TRIM67: variants seen among roughly 807,000 people sequenced by gnomAD.
TRIM67 encodes the protein tripartite motif containing 67.
A neutral mutation model predicts 71.0 loss-of-function variants in TRIM67; 39 were observed. That is an observed-to-expected ratio of 0.55 (90% confidence interval 0.43 to 0.72). The LOEUF is 0.72. Ranked by LOEUF, TRIM67 falls within the 30% of genes least tolerant of loss-of-function variation. The pLI is 0.00. For synonymous variants in TRIM67, 481 were observed against 473.9 expected (o/e 1.01, Z -0.19); for missense variants, 973 against 1,079.2 (o/e 0.90, Z 1.38).
chr1:231,169,053 A>T (rs1039200688), intron 1 of TRIM67, among the ~76,000 whole-genome samples: 1 of 151,346 alleles, frequency 6.6e-6, no homozygotes, highest in Non-Finnish European at 1.5e-5. Flanking sequence ...AGCCCTAGAT[A>T]TTTTTTTTTA....
intron 5 of TRIM67, 129 bp from the exon 6 acceptor site, chr1:231,203,738 G>T: frequency 1.6e-6 from 2 of 1,229,536 alleles, no homozygotes; most frequent in Non-Finnish European, 1.1e-6. Flanking sequence ...TGACTACAGG[G>T]TGGCCAGGGA....
At chr1:231,215,090 G>C (rs1290739261) in intron 9 of TRIM67, among the ~76,000 whole-genome samples, 2 of 152,232 alleles carry the variant, frequency 1.3e-5, no homozygotes, top group Non-Finnish European at 2.9e-5. Flanking sequence ...TGAGAGCCGT[G>C]CTCCTGTGAT....
chr1:231,169,220 A>G (rs867352240), intron 1 of TRIM67, among the ~76,000 whole-genome samples: 19 of 151,554 alleles, frequency 1.3e-4, no homozygotes, highest in East Asian at 7.8e-4. Flanking sequence ...CACCCAGCTA[A>G]TTTTTTGTAT....
intron 1 of TRIM67, among the ~76,000 whole-genome samples, chr1:231,177,144 G>C (rs1002442166): frequency 6.6e-6 from 1 of 152,176 alleles, no homozygotes; most frequent in African/African-American, 2.4e-5. Flanking sequence ...AACAACACCA[G>C]AGCACAAATA....
intron 1 of TRIM67, among the ~76,000 whole-genome samples, chr1:231,176,217 T>A (rs10779819): frequency 0.35 from 53,180 of 152,052 alleles, 9,936 homozygotes; most frequent in African/African-American, 0.48. Flanking sequence ...GCAGACACAC[T>A]TAAAACAGGC....
Position 231,185,175 on chromosome 1 carries a change from G to A in TRIM67, c.1045-12196G>A, listed in dbSNP as rs566215165. On this transcript the variant is annotated intron_variant, in intron 1 of 9. Coordinates refer to ENST00000366653, the MANE Select transcript of TRIM67 (RefSeq NM_001004342.5). ...TCCAGCCAGCCAGCCTGTACTCCAC[G>A]GCGTCCATTCCTGCACCTTCCACCC... 2.6e-4 allele frequency: 398 copies of A among 1,532,860 alleles called. 10 individuals are homozygous for A. In the African/African-American group the frequency reaches 4.4e-3, roughly 17 times the overall value. 95.0% of individuals were successfully genotyped at this position (1,532,860 alleles called of 1,614,324 possible).
In TRIM67 at chr1:231,163,449, G is replaced by A; in HGVS notation, c.480G>A (p.Pro160=). ...LSSSSSSITC[P]QCHRSASLDH... Reference sequence around the variant, plus strand: ...CGTCTTCGAGCTCCATCACGTGCCCGCAGTGCCACCGCAGCGCATCCCTGG... The same window carrying A: ...CGTCTTCGAGCTCCATCACGTGCCCACAGTGCCACCGCAGCGCATCCCTGG... Residue 160 remains proline, a synonymous_variant, in exon 1 of 10, where the codon CCG becomes CCA. Coordinates refer to ENST00000366653, the MANE Select transcript of TRIM67 (RefSeq NM_001004342.5). 3 of 1,539,836 alleles carry A rather than the reference G, an allele frequency of 1.9e-6. No homozygotes were observed. The highest frequency in any genetic ancestry group is 2.6e-6 in the Non-Finnish European group (3 of 1,148,646).
At position 231,217,641 on chromosome 1, in the gene TRIM67, G is replaced by T; in HGVS notation, c.*2201G>T. On this transcript the variant is annotated 3_prime_UTR_variant, in exon 10 of 10. Coordinates refer to ENST00000366653, the MANE Select transcript of TRIM67 (RefSeq NM_001004342.5). The stretch of plus-strand genomic sequence containing the variant: ...CCCAGAATGAGAGTGGGCTAGGCAG[G>T]GCTGCCTGGTGACAGCAGCTTCTCA... The T allele has an allele frequency of 8.6e-7, 1 of 1,157,286 alleles. No homozygotes were observed. The highest frequency in any genetic ancestry group is 3.9e-4 in the Middle Eastern group (1 of 2,546). The allele number at this position is 1,157,286 out of a possible 1,614,324, so 71.7% of individuals were successfully genotyped here.
At chr1:231,201,543 G>C in intron 5 of TRIM67, 26 bp downstream of exon 5, 1 of 1,608,386 alleles carries the variant, frequency 6.2e-7, no homozygotes. Context: ...CCCCAGTTCA[G>C]TCAGTGCTTC....
intron 7 of TRIM67, among the ~76,000 whole-genome samples, chr1:231,207,975 T>C (rs188348344): frequency 1.3e-5 from 2 of 151,716 alleles, no homozygotes; most frequent in Non-Finnish European, 2.9e-5. Context: ...CTCCCACCCA[T>C]GAGGTGGCTC....
intron 5 of TRIM67, 37 bp from the exon 6 acceptor site, chr1:231,203,830 G>A (rs775706564): frequency 1.4e-5 from 23 of 1,595,676 alleles, no homozygotes; most frequent in Non-Finnish European, 1.8e-5. Flanking sequence ...GCCCTCGGAG[G>A]GCTTCCTGCG....
chr1:231,194,903 C>T (rs1014183618), intron 1 of TRIM67, among the ~76,000 whole-genome samples: 6 of 151,968 alleles, frequency 3.9e-5, no homozygotes, highest in Non-Finnish European at 5.9e-5. Flanking sequence ...AAAGCGGGGC[C>T]GGGGAGTGCG....
At position 231,219,715 on chromosome 1, in the gene TRIM67, A is replaced by C. The variant is rs1684096692; in HGVS notation, c.*4275A>C. On this transcript the variant is annotated 3_prime_UTR_variant, in exon 10 of 10. Coordinates refer to ENST00000366653, the MANE Select transcript of TRIM67 (RefSeq NM_001004342.5). Reference sequence around the variant, plus strand: ...CCTCAATTGGTTTTTAAAAAAATCTAACAGATCTTATTGGCAAATATTCAA... The same window carrying C: ...CCTCAATTGGTTTTTAAAAAAATCTCACAGATCTTATTGGCAAATATTCAA... 8.4e-7 allele frequency: 1 copy of C among 1,188,346 alleles called. No homozygotes were observed. Among genetic ancestry groups the C allele is most frequent in the Non-Finnish European group, 1.1e-6 (1 of 942,726 alleles). 73.6% of individuals were successfully genotyped at this position (1,188,346 alleles called of 1,614,324 possible).
At chr1:231,187,610 G>C in intron 1 of TRIM67, 1 of 1,487,378 alleles carries the variant, frequency 6.7e-7, no homozygotes, top group Non-Finnish European at 9.0e-7. Flanking sequence ...GAAACTCTCA[G>C]TGAAGCTTCG....
At chr1:231,211,548 C>T (rs976816470) in intron 8 of TRIM67, among the ~76,000 whole-genome samples, 1 of 152,160 alleles carries the variant, frequency 6.6e-6, no homozygotes, top group Non-Finnish European at 1.5e-5. Flanking sequence ...TTTTAGTTTC[C>T]TTCTCCCACC....
At chr1:231,181,633 T>C (rs1177049806) in intron 1 of TRIM67, among the ~76,000 whole-genome samples, 1 of 152,236 alleles carries the variant, frequency 6.6e-6, no homozygotes, top group East Asian at 1.9e-4. Flanking sequence ...AAAAAAACTT[T>C]AAAAATCTAG....
chr1:231,170,237 C>G (rs1264448742), intron 1 of TRIM67, among the ~76,000 whole-genome samples: 1 of 152,104 alleles, frequency 6.6e-6, no homozygotes, highest in Non-Finnish European at 1.5e-5. Flanking sequence ...CCGCCCACCT[C>G]TGCCTCCCAA....
At position 231,201,440 on chromosome 1, in the gene TRIM67, A is replaced by C; in HGVS notation, c.1457A>C (p.Glu486Ala). The C allele has an allele frequency of 6.2e-7, 1 of 1,613,740 alleles. No individual in the cohort carries two copies. The change falls in exon 5 of 10, where the codon GAG (glutamate) becomes GCG (alanine). Residue 486 changes from glutamate (E) to alanine (A), a missense_variant. By Grantham distance (107) the Glu-to-Ala change is moderately radical. This residue lies in a region of TRIM67 where 795 missense variants were observed against 831.3 expected (regional missense o/e 0.96). Coordinates refer to ENST00000366653, the MANE Select transcript of TRIM67 (RefSeq NM_001004342.5). ...GCCCTGGAGCCGAAAGTGTCTGCGGAGTTTGATCTGACTTTGGACAGCGAG... is the reference window on the plus strand; with the variant it reads ...GCCCTGGAGCCGAAAGTGTCTGCGGCGTTTGATCTGACTTTGGACAGCGAG... ...KGALEPKVSA[E>A]FDLTLDSEPL...
At chr1:231,164,135 A>C in intron 1 of TRIM67, 122 bp downstream of exon 1, 14 of 1,206,118 alleles carry the variant, frequency 1.2e-5, no homozygotes, top group Non-Finnish European at 1.5e-5. Flanking sequence ...GAATTACCTC[A>C]CTCATTAGCC....
Sources: allele counts gnomAD v4.1 joint callset (sites outside exome capture counted in the v4.1 genomes callset), GRCh38; gene constraint gnomAD v4.1.1; regional missense constraint gnomAD v4.1.1; transcripts MANE v1.5; gene names NCBI Gene and HGNC (gene_info 2026-07-23, HGNC 2026-07-21).